The following FAM47E variants were observed in gnomAD, a reference collection of about 807,000 sequenced individuals.
The protein encoded by FAM47E is protein FAM47E.
FAM47E carries 32 observed loss-of-function variants against 41.6 expected under a neutral mutation model. That is an observed-to-expected ratio of 0.77 (90% CI 0.58 to 1.03). The LOEUF (loss-of-function observed/expected upper bound fraction) is 1.03, where lower values mean the gene tolerates loss of function less well. FAM47E is among the 50% of genes least tolerant of loss of function. The pLI, the probability that FAM47E is intolerant of heterozygous loss-of-function variation, is 0.00. For missense variants in FAM47E, 424 were observed against 485.4 expected (o/e 0.87, Z 1.19); for synonymous variants, 184 against 188.7 (o/e 0.98, Z 0.20).
intron 6 of FAM47E, chr4:76,279,143 A>G (rs1233659786): frequency 1.3e-5 from 2 of 152,198 alleles, no homozygotes; most frequent in African/African-American, 4.8e-5. Context: ...TGAGCACCCC[A>G]TGTTTATATA....
chr4:76,218,152 T>C (rs913862096), intron 2 of FAM47E, among the ~76,000 whole-genome samples: 10 of 152,238 alleles, frequency 6.6e-5, no homozygotes, highest in African/African-American at 2.4e-4. Flanking sequence ...AGGCCTTGCC[T>C]ACTTTGGGAC....
chr4:76,255,399 G>A (rs7671407), intron 1 of FAM47E, among the ~76,000 whole-genome samples: 104,361 of 152,050 alleles, frequency 0.69, 36,164 homozygotes, highest in South Asian at 0.79. Flanking sequence ...TGTCTGTTAT[G>A]TTGAAAATTC....
exon 1 of FAM47E, chr4:76,214,364 T>A (rs1303095743): frequency 2.2e-6 from 1 of 446,884 alleles, no homozygotes; most frequent in East Asian, 7.1e-5. Context: ...GTAAGGGGCA[T>A]GTGCAAGAAT....
intron 5 of FAM47E, among the ~76,000 whole-genome samples, chr4:76,276,682 C>T (rs138021207): frequency 1.7e-4 from 26 of 152,280 alleles, no homozygotes; most frequent in African/African-American, 6.0e-4. Context: ...GGGAAGATGC[C>T]ACTGAAAAGA....
chr4:76,227,899 T>TA (rs1236568120), intron 2 of FAM47E, among the ~76,000 whole-genome samples: 6 of 152,262 alleles, frequency 3.9e-5, no homozygotes, highest in Admixed American at 3.9e-4. Context: ...TCTAGCCCAT[T>TA]ACATTAAGTT....
chr4:76,227,131 T>G (rs1733412289), intron 2 of FAM47E, among the ~76,000 whole-genome samples: 1 of 152,228 alleles, frequency 6.6e-6, no homozygotes, highest in Non-Finnish European at 1.5e-5. Context: ...TGTCTATTTG[T>G]GCTCTTTCAG....
intron 2 of FAM47E, among the ~76,000 whole-genome samples, chr4:76,245,345 T>C (rs1432414814): frequency 6.6e-6 from 1 of 152,126 alleles, no homozygotes; most frequent in East Asian, 1.9e-4. Context: ...CTGGCAATAA[T>C]AGGAAACCCC....
chr4:76,217,192 T>C (rs1467721028), intron 1 of FAM47E, among the ~76,000 whole-genome samples: 1 of 152,214 alleles, frequency 6.6e-6, no homozygotes, highest in Non-Finnish European at 1.5e-5. Flanking sequence ...AGCCCCTGCT[T>C]GCCAGCCACT....
intron 5 of FAM47E, among the ~76,000 whole-genome samples, chr4:76,277,435 G>A (rs1281220007): frequency 2.0e-5 from 3 of 151,574 alleles, no homozygotes; most frequent in Non-Finnish European, 4.4e-5. Flanking sequence ...GCAGTGAGCC[G>A]AGATCGTGCC....
chr4:76,255,990 C>T (rs1734173636), intron 1 of FAM47E, among the ~76,000 whole-genome samples, 188 bp from the exon 2 acceptor site: 1 of 152,072 alleles, frequency 6.6e-6, no homozygotes, highest in African/African-American at 2.4e-5. Flanking sequence ...TACGGAGCAG[C>T]AATTCTGTGC....
At chr4:76,262,506 G>A (rs1734462113) in intron 2 of FAM47E, among the ~76,000 whole-genome samples, 1 of 152,008 alleles carries the variant, frequency 6.6e-6, no homozygotes, top group African/African-American at 2.4e-5. Context: ...TCTAATGCTG[G>A]AGATGTACAT....
chr4:76,238,986 A>AGTATTT (rs1364610301), intron 2 of FAM47E, among the ~76,000 whole-genome samples: 1 of 152,214 alleles, frequency 6.6e-6, no homozygotes, highest in Non-Finnish European at 1.5e-5. Context: ...GGAATAATAC[A>AGTATTT]GTATTTGCCT....
At chr4:76,263,999 A>G (rs1289419647) in intron 3 of FAM47E, among the ~76,000 whole-genome samples, 156 bp downstream of exon 3, 1 of 152,160 alleles carries the variant, frequency 6.6e-6, no homozygotes, top group Non-Finnish European at 1.5e-5. Context: ...GTACCGCTCT[A>G]AATAGTGCTT....
At chr4:76,251,653 G>C (rs1415112382), upstream of FAM47E, 2 of 1,355,040 alleles carry the variant, frequency 1.5e-6, no homozygotes, top group Non-Finnish European at 9.5e-7. Flanking sequence ...GGCAAATACC[G>C]GCAGCGGTGG....
chr4:76,235,144 C>G (rs71607345), intron 2 of FAM47E, among the ~76,000 whole-genome samples: 23,053 of 151,866 alleles, frequency 0.15, 2,080 homozygotes, highest in East Asian at 0.34. Context: ...GGTGAAAACC[C>G]GTCCCTACTA....
rs1045971106 is a variant in FAM47E at position 76,256,455 on chromosome 4, G to A, written c.352G>A (p.Val118Met). ...QQARKAFLED[V>M]EAHLTPHPLA... is the part of the protein sequence containing the mutation. ...GGCTCGGAAGGCATTCCTGGAGGAC[G>A]TGGAGGCCCACCTGACCCCACATCC... The change falls in exon 2 of 8, where the codon GTG becomes ATG. Residue 118 changes from valine (V) to methionine (M), a missense_variant. Val to Met is a conservative substitution (Grantham distance 21, BLOSUM62 1). Transcript: ENST00000424749. 6.4e-6 allele frequency: 10 copies of A among 1,551,798 alleles called. No homozygotes were observed. Among genetic ancestry groups the A allele is most frequent in the African/African-American group, 1.4e-5 (1 of 73,022 alleles).
chr4:76,221,856 C>T (rs1301209616), intron 2 of FAM47E, among the ~76,000 whole-genome samples: 1 of 152,198 alleles, frequency 6.6e-6, no homozygotes, highest in Non-Finnish European at 1.5e-5. Flanking sequence ...ACCTCAGCGA[C>T]ACCCAGTTTA....
At chr4:76,263,935 T>A (rs1734522908) in intron 3 of FAM47E, 92 bp downstream of exon 3, 3 of 1,472,980 alleles carry the variant, frequency 2.0e-6, no homozygotes, top group Non-Finnish European at 2.7e-6. Flanking sequence ...TTTAGAATAC[T>A]TCTAATGAAG....
At chr4:76,271,321 A>G (rs1019567362) in intron 4 of FAM47E, among the ~76,000 whole-genome samples, 2 of 152,188 alleles carry the variant, frequency 1.3e-5, no homozygotes, top group African/African-American at 4.8e-5. Flanking sequence ...GAAGTTTGCT[A>G]TGGATCAAAC....
Sources: gnomAD v4.1 joint callset for allele counts (sites outside exome capture counted in the v4.1 genomes callset) on GRCh38, gnomAD v4.1.1 for gene constraint, MANE v1.5 for transcripts, NCBI Gene and HGNC (gene_info 2026-07-23, HGNC 2026-07-21) for gene names.